The following RALYL variants were observed in gnomAD, a reference collection of about 807,000 sequenced individuals.
RALYL encodes the protein RALY RNA binding protein like.
RALYL carries 29 observed loss-of-function variants against 35.1 expected under a neutral mutation model. That is an observed-to-expected ratio of 0.83 (90% confidence interval 0.61 to 1.13). The LOEUF is 1.13. Ranked by LOEUF, RALYL falls within the 50% of genes most tolerant of loss-of-function variation. The probability of loss-of-function intolerance (pLI) is 0.00; values close to 1 mark genes in which losing one functional copy is unlikely to be tolerated. For synonymous variants in RALYL, 120 were observed against 127.6 expected (o/e 0.94, Z 0.40); for missense variants, 359 against 360.4 (o/e 1.00, Z 0.03).
At chr8:84,836,692 C>G (rs972986358) in intron 4 of RALYL, among the ~76,000 whole-genome samples, 3 of 152,118 alleles carry the variant, frequency 2.0e-5, no homozygotes, top group African/African-American at 7.2e-5. Flanking sequence ...GATACTCTGA[C>G]AGCTAGAAAC....
chr8:84,458,105 C>T (rs544138876), intron 1 of RALYL, among the ~76,000 whole-genome samples: 1 of 152,002 alleles, frequency 6.6e-6, no homozygotes, highest in South Asian at 2.1e-4. Flanking sequence ...AAATTAACAT[C>T]ATGTTGACCT....
chr8:84,913,032 A>ATCGGTAGG (rs567355226), intron 8 of RALYL, among the ~76,000 whole-genome samples: 8 of 109,048 alleles, frequency 7.3e-5, no homozygotes. Flanking sequence ...GGATGGATGG[A>ATCGGTAGG]TAGGTAGGTA....
At chr8:84,298,117 T>C (rs529037239) in intron 1 of RALYL, among the ~76,000 whole-genome samples, 1 of 152,132 alleles carries the variant, frequency 6.6e-6, no homozygotes, top group South Asian at 2.1e-4. Context: ...CCAGAGCCTA[T>C]GTTCAGAGTG....
chr8:84,632,613 G>A (rs1013495562), intron 2 of RALYL, among the ~76,000 whole-genome samples: 3 of 150,958 alleles, frequency 2.0e-5, no homozygotes, highest in Admixed American at 1.3e-4. Context: ...GTGTGTGTGT[G>A]TAGTTTTCTT....
intron 1 of RALYL, among the ~76,000 whole-genome samples, chr8:84,443,072 T>A (rs1045099770): frequency 2.0e-5 from 3 of 152,172 alleles, no homozygotes; most frequent in Admixed American, 1.3e-4. Flanking sequence ...AAGGACTTAG[T>A]ACAAGTCAGC....
intron 2 of RALYL, among the ~76,000 whole-genome samples, chr8:84,674,724 T>C (rs574733028): frequency 2.6e-5 from 4 of 152,274 alleles, no homozygotes; most frequent in African/African-American, 9.6e-5. Context: ...ATTTTTAGCA[T>C]ATGGAGAATA....
chr8:84,871,662 T>G (rs184430798), intron 6 of RALYL, among the ~76,000 whole-genome samples: 10 of 152,302 alleles, frequency 6.6e-5, no homozygotes, highest in Admixed American at 5.2e-4. Context: ...TTTACCCTGT[T>G]CTACTTTCAG....
At chr8:84,375,420 G>T (rs1343255357) in intron 1 of RALYL, among the ~76,000 whole-genome samples, 1 of 151,724 alleles carries the variant, frequency 6.6e-6, no homozygotes, top group Non-Finnish European at 1.5e-5. Context: ...GCTTTTTACA[G>T]TCTGAGAGCA....
chr8:84,627,882 A>G (rs1000170177), intron 2 of RALYL, among the ~76,000 whole-genome samples: 7 of 151,970 alleles, frequency 4.6e-5, no homozygotes, highest in African/African-American at 1.4e-4. Flanking sequence ...ATCTATTTCA[A>G]ATTGTACCCC....
chr8:84,667,960 G>A (rs1036413296), intron 2 of RALYL, among the ~76,000 whole-genome samples: 2 of 152,118 alleles, frequency 1.3e-5, no homozygotes, highest in Admixed American at 1.3e-4. Flanking sequence ...GTGCATGGTG[G>A]TGTGCAGGAA....
chr8:84,755,598 T>A (rs934649401), intron 2 of RALYL, among the ~76,000 whole-genome samples: 1 of 152,180 alleles, frequency 6.6e-6, no homozygotes, highest in Non-Finnish European at 1.5e-5. Context: ...TGCAACATGA[T>A]CATATTAGTA....
chr8:84,550,454 A>G (rs976106794), intron 2 of RALYL, among the ~76,000 whole-genome samples: 3 of 152,084 alleles, frequency 2.0e-5, no homozygotes, highest in African/African-American at 7.2e-5. Flanking sequence ...TGTTCCTCTC[A>G]TGATATTGAA....
intron 6 of RALYL, among the ~76,000 whole-genome samples, chr8:84,870,591 A>ACATGC (rs1840028091): frequency 6.6e-6 from 1 of 151,610 alleles, no homozygotes; most frequent in East Asian, 1.9e-4. Context: ...ATATATATAT[A>ACATGC]TATATATATG....
chr8:84,242,608 T>A (rs1245698824), intron 1 of RALYL, among the ~76,000 whole-genome samples: 1 of 152,234 alleles, frequency 6.6e-6, no homozygotes, highest in Admixed American at 6.5e-5. Flanking sequence ...TTTTTTTATA[T>A]GTTTGTTGGC....
At chr8:84,842,949 G>A (rs1833765138) in intron 4 of RALYL, among the ~76,000 whole-genome samples, 1 of 152,058 alleles carries the variant, frequency 6.6e-6, no homozygotes, top group Non-Finnish European at 1.5e-5. Context: ...AATAAATTAG[G>A]TATTGATAGG....
intron 2 of RALYL, among the ~76,000 whole-genome samples, chr8:84,608,095 G>C (rs79178559): frequency 6.6e-6 from 1 of 151,984 alleles, no homozygotes; most frequent in African/African-American, 2.4e-5. Flanking sequence ...GACATGCTTT[G>C]AGTAGCAGTG....
chr8:84,702,520 GTC>G (rs141253736), intron 2 of RALYL, among the ~76,000 whole-genome samples: 4,090 of 141,646 alleles, frequency 0.029, 151 homozygotes, highest in African/African-American at 0.089. Flanking sequence ...TAGTTGCATA[GTC>G]TCTCTCTCTC....
intron 1 of RALYL, among the ~76,000 whole-genome samples, chr8:84,341,923 A>G (rs890087886): frequency 4.6e-5 from 7 of 151,878 alleles, no homozygotes; most frequent in Admixed American, 3.9e-4. Context: ...ATACCTCATA[A>G]AATTGTGATA....
At position 84,539,313 on chromosome 8, in the gene RALYL, A is replaced by T. The variant is rs115819298; in HGVS notation, c.256+9736A>T. ...AACATTTCCTGGGACATACAAAGTG[A>T]TGTAAAAACCTAAAAGAAGGCAAAA... is the stretch of plus-strand genomic sequence containing the variant. On this transcript the variant is annotated intron_variant, in intron 2 of 8. Transcript: ENST00000521268. 2.3e-3 allele frequency among the ~76,000 whole-genome samples: 352 copies of T among 152,294 alleles called. 1 individual carries two copies. Among genetic ancestry groups the T allele is most frequent in the African/African-American group, 7.7e-3 (320 of 41,570 alleles).
Sources: allele counts gnomAD v4.1 joint callset (sites outside exome capture counted in the v4.1 genomes callset), GRCh38; gene constraint gnomAD v4.1.1; transcripts MANE v1.5; gene names NCBI Gene and HGNC (gene_info 2026-07-23, HGNC 2026-07-21).